Variants in GSPT1 observed in about 807,000 individuals in gnomAD.
The protein encoded by GSPT1 is eukaryotic peptide chain release factor GTP-binding subunit ERF3A.
GSPT1 carries 20 observed loss-of-function variants against 72.5 expected under a neutral mutation model. The observed-to-expected ratio is 0.28, with a 90% CI of 0.19 to 0.40. GSPT1 has a LOEUF of 0.40. GSPT1 is among the 10% of genes least tolerant of loss of function. GSPT1 has a pLI of 1.00. For missense variants in GSPT1, 580 were observed against 811.9 expected (o/e 0.71, Z 3.47); for synonymous variants, 334 against 293.5 (o/e 1.14, Z -1.41).
At chr16:11,887,818 A>G in intron 6 of GSPT1, 68 bp from the exon 7 acceptor site, 1 of 1,043,106 alleles carries the variant, frequency 9.6e-7, no homozygotes, top group Non-Finnish European at 1.4e-6. Flanking sequence ...ATTCTTCACC[A>G]TTAAAGATAT....
intron 1 of GSPT1, among the ~76,000 whole-genome samples, chr16:11,909,152 G>C (rs1211922926): frequency 2.0e-5 from 3 of 151,858 alleles, no homozygotes; most frequent in Non-Finnish European, 2.9e-5. Flanking sequence ...TTGGAAGTGA[G>C]TGTCACCACT....
chr16:11,895,515 G>A (rs1461049502), intron 4 of GSPT1: 1 of 151,716 alleles, frequency 6.6e-6, no homozygotes, highest in Admixed American at 6.6e-5. Context: ...AGCGGCAACA[G>A]ACTATAAATT....
upstream of GSPT1, among the ~76,000 whole-genome samples, chr16:11,916,290 C>T (rs1421923704): frequency 6.6e-6 from 1 of 152,222 alleles, no homozygotes; most frequent in African/African-American, 2.4e-5. Context: ...GGGGCAGCGG[C>T]AGGCCCTGGT....
rs1189751568 is a variant in GSPT1 at position 11,908,649 on chromosome 16, A to G, written c.352+6720T>C. 1.9e-5 allele frequency among the ~76,000 whole-genome samples: 2 copies of G among 102,812 alleles called. 1 individual carries two copies. Among genetic ancestry groups the G allele is most frequent in the Non-Finnish European group, 3.6e-5 (2 of 55,472 alleles). The allele number at this position is 102,812 out of a possible 152,430, so 67.4% of individuals were successfully genotyped here. Reference sequence around the variant, plus strand: ...GTGGCGGGCGCCTGTAGTCCCAGCTACTTGGGAGACTGAGGCGGGAGAATG... The same window carrying G: ...GTGGCGGGCGCCTGTAGTCCCAGCTGCTTGGGAGACTGAGGCGGGAGAATG... On this transcript the variant is annotated intron_variant, in intron 1 of 14. Transcript: ENST00000434724.
intron 1 of GSPT1, among the ~76,000 whole-genome samples, chr16:11,906,035 T>C (rs756163726): frequency 6.6e-6 from 1 of 152,184 alleles, no homozygotes; most frequent in Non-Finnish European, 1.5e-5. Flanking sequence ...GTGTTTTCCT[T>C]TGATTTTCAC....
At chr16:11,883,675 G>A (rs1298727810) in intron 10 of GSPT1, among the ~76,000 whole-genome samples, 2 of 151,520 alleles carry the variant, frequency 1.3e-5, no homozygotes, top group Admixed American at 6.6e-5. Flanking sequence ...AGCACTTTGG[G>A]AGGCCGAAGC....
At chr16:11,893,492 G>T (rs1172574823) in intron 5 of GSPT1, among the ~76,000 whole-genome samples, 2 of 152,016 alleles carry the variant, frequency 1.3e-5, no homozygotes, top group African/African-American at 2.4e-5. Context: ...AAAAAAAATT[G>T]CAACAATGTT....
At chr16:11,910,063 C>T (rs2054538855) in intron 1 of GSPT1, among the ~76,000 whole-genome samples, 1 of 152,134 alleles carries the variant, frequency 6.6e-6, no homozygotes, top group East Asian at 1.9e-4. Flanking sequence ...CACAATTATA[C>T]TCCAGCTTGG....
At chr16:11,882,380 T>C (rs1307756934) in intron 11 of GSPT1, 2 of 152,286 alleles carry the variant, frequency 1.3e-5, no homozygotes, top group Non-Finnish European at 2.9e-5. Context: ...GAAGATACTA[T>C]ATATTCTCAT....
chr16:11,903,502 G>A (rs2054444077), intron 1 of GSPT1, among the ~76,000 whole-genome samples: 1 of 152,070 alleles, frequency 6.6e-6, no homozygotes, highest in Non-Finnish European at 1.5e-5. Flanking sequence ...GCATAACAGT[G>A]AGACTCTGTC....
chr16:11,909,976 T>C (rs990169765), intron 1 of GSPT1, among the ~76,000 whole-genome samples: 14 of 152,168 alleles, frequency 9.2e-5, no homozygotes, highest in South Asian at 2.1e-4. Flanking sequence ...TGGGTGCCTA[T>C]AGTCCTAGCT....
chr16:11,877,537 G>C lies in GSPT1; in HGVS notation c.1472C>G (p.Thr491Ser), dbSNP rs750574311. The stretch of plus-strand genomic sequence containing the variant: ...GTTTTCACCTGGGGCTACGGTATCA[G>C]TCTCTACATCATCGGAAAGTATTCC... ...VLGILSDDVE[T>S]DTVAPGENLK... The change falls in exon 12 of 15, where the codon ACT (threonine) becomes AGT (serine). Residue 491 changes from threonine to serine, a missense_variant. Thr to Ser is a moderately conservative substitution (Grantham distance 58). Transcript: ENST00000434724. The surrounding 1 kb of genome is among the most constrained non-coding windows in gnomAD (Gnocchi z 4.0). 1 of 1,606,838 alleles carries C rather than the reference G, an allele frequency of 6.2e-7. No homozygotes were observed. Among genetic ancestry groups the C allele is most frequent in the East Asian group, 2.2e-5 (1 of 44,722 alleles).
At chr16:11,914,776 C>T (rs1170641100) in intron 1 of GSPT1, among the ~76,000 whole-genome samples, 2 of 152,188 alleles carry the variant, frequency 1.3e-5, no homozygotes, top group Admixed American at 6.5e-5. Context: ...TAAAACAGAT[C>T]TTGGTATTGA....
rs1169742966 is a variant in GSPT1, at chr16:11,915,533, G to A, written c.188C>T (p.Ala63Val). 4.0e-6 allele frequency: 6 copies of A among 1,515,130 alleles called. No individual in the cohort carries two copies. Among genetic ancestry groups the A allele is most frequent in the Non-Finnish European group, 5.3e-6 (6 of 1,132,592 alleles). The allele number at this position is 1,515,130 out of a possible 1,614,324, so 93.9% of individuals were successfully genotyped here. A position where few individuals can be genotyped will look rare whatever the true frequency, so the allele number is the denominator to read the frequency against. ...GACGTTGAGTTGCCGGCTGAAGGCC[G>A]CGCTGAGGTTCTCCCGCTGGGCCTC... ...AAEAQRENLS[A>V]AFSRQLNVNA... The change falls in exon 1 of 15, where the codon GCG becomes GTG. Residue 63 changes from alanine (A) to valine (V), a missense_variant. By Grantham distance (64) the Ala-to-Val change is moderately conservative. Around this residue, in one of 6 missense-constraint regions of GSPT1, gnomAD observed 327 missense variants for 298.8 expected, o/e 1.09. Coordinates refer to ENST00000434724, the MANE Select transcript of GSPT1 (RefSeq NM_002094.4).
At position 11,890,865 on chromosome 16, in the gene GSPT1, T is replaced by C. The variant is rs183339724; in HGVS notation, c.776+197A>G. ...ACAAGTCTATCACCAGATATATGGA[T>C]TGTTTCCAAATTTCTCTGTGTAAGT... is the stretch of plus-strand genomic sequence containing the variant. On this transcript the variant is annotated intron_variant, in intron 6 of 14. Transcript: ENST00000434724. The C allele has an allele frequency of 4.6e-5, 18 of 391,676 alleles. No homozygotes were observed. In the Admixed American group the frequency reaches 7.9e-4, roughly 17 times the overall value. 24.3% of individuals were successfully genotyped at this position (391,676 alleles called of 1,614,324 possible).
At chr16:11,914,862 G>C in intron 1 of GSPT1, 1 of 513,510 alleles carries the variant, frequency 1.9e-6, no homozygotes, top group Admixed American at 2.8e-5. Flanking sequence ...GCCACGGACA[G>C]TTTAAACCGT....
rs543490547 is a variant in GSPT1, at chr16:11,903,442, G to C, written c.353-5407C>G. Among the ~76,000 whole-genome samples the C allele has an allele frequency of 4.3e-4, 66 of 152,256 alleles. 1 individual carries two copies. The highest frequency in any genetic ancestry group is 1.4e-3 in the African/African-American group (59 of 41,540). ...GAGAATCTGGCAATCTTGAACCTGC[G>C]AGGCGGAGGTTGCAGTGAGCCGAGA... On this transcript the variant is annotated intron_variant, in intron 1 of 14. Transcript: ENST00000434724.
chr16:11,872,511 C>G lies in GSPT1; in HGVS notation c.*608G>C, dbSNP rs1469613400. On this transcript the variant is annotated 3_prime_UTR_variant, in exon 15 of 15. Coordinates refer to ENST00000434724, the MANE Select transcript of GSPT1 (RefSeq NM_002094.4). ...GTCAAACTAATCCTTTCCTTTAATACAAACTTGAACGCTGTGAATGTCTCA... is the reference window on the plus strand; with the variant it reads ...GTCAAACTAATCCTTTCCTTTAATAGAAACTTGAACGCTGTGAATGTCTCA... The G allele has an allele frequency of 6.6e-6, 1 of 152,062 alleles. No homozygotes were observed. The highest frequency in any genetic ancestry group is 1.5e-5 in the Non-Finnish European group (1 of 68,014). The allele number at this position is 152,062 out of a possible 1,614,324, so 9.4% of individuals were successfully genotyped here.
intron 5 of GSPT1, among the ~76,000 whole-genome samples, chr16:11,892,955 T>G (rs1417973827): frequency 6.6e-6 from 1 of 152,040 alleles, no homozygotes; most frequent in Non-Finnish European, 1.5e-5. Context: ...TAAGGAAGTT[T>G]TGATGAATGA....
Sources: gnomAD v4.1 joint callset for allele counts (sites outside exome capture counted in the v4.1 genomes callset) on GRCh38, gnomAD v4.1.1 for gene constraint, gnomAD v4.1.1 regional missense constraint, Gnocchi (gnomAD v3.1) non-coding constraint, MANE v1.5 for transcripts, NCBI Gene and HGNC (gene_info 2026-07-23, HGNC 2026-07-21) for gene names.